EYS: variants seen among roughly 807,000 people sequenced by gnomAD.
EYS encodes protein eyes shut homolog.
Under a neutral mutation model 282.1 loss-of-function variants are expected in EYS, and 250 were observed. The ratio of observed to expected loss-of-function variants is 0.89; its 90% confidence interval spans 0.80 to 0.98. EYS has a LOEUF of 0.98. Among genes scored for constraint, EYS ranks in the 50% least tolerant of loss-of-function variants. The pLI, the probability that EYS is intolerant of heterozygous loss-of-function variation, is 0.00. For missense variants in EYS, 4,016 were observed against 3,709.0 expected (o/e 1.08, Z -2.15); for synonymous variants, 1,355 against 1,282.9 (o/e 1.06, Z -1.20).
At chr6:65,688,397 T>G (rs993597122) in intron 1 of EYS, among the ~76,000 whole-genome samples, 1 of 152,192 alleles carries the variant, frequency 6.6e-6, no homozygotes, top group African/African-American at 2.4e-5. Context: ...AAGCTGAAAC[T>G]GGATCCCTTC....
intron 35 of EYS, among the ~76,000 whole-genome samples, chr6:63,977,482 C>T (rs1766894366): frequency 1.3e-5 from 2 of 151,976 alleles, no homozygotes; most frequent in Non-Finnish European, 2.9e-5. Flanking sequence ...TATTGCAATT[C>T]CTAGCAACTC....
intron 28 of EYS, among the ~76,000 whole-genome samples, chr6:64,422,784 G>T (rs925210875): frequency 1.3e-5 from 2 of 152,036 alleles, no homozygotes; most frequent in East Asian, 1.9e-4. Flanking sequence ...CTACCACTTG[G>T]TTTAATATTC....
intron 35 of EYS, among the ~76,000 whole-genome samples, chr6:63,961,275 A>G (rs9362312): frequency 0.3 from 45,125 of 152,032 alleles, 6,811 homozygotes; most frequent in Admixed American, 0.38. Flanking sequence ...AAGCAAGTGA[A>G]GAATCACAAA....
At chr6:64,940,711 T>G (rs944949172) in intron 15 of EYS, among the ~76,000 whole-genome samples, 2 of 152,192 alleles carry the variant, frequency 1.3e-5, no homozygotes, top group Admixed American at 6.6e-5. Context: ...ATCTTTTTTT[T>G]GTCACATAGT....
At chr6:64,582,347 T>G (rs543795829) in intron 26 of EYS, among the ~76,000 whole-genome samples, 11 of 152,182 alleles carry the variant, frequency 7.2e-5, no homozygotes, top group African/African-American at 2.6e-4. Context: ...ATGCTTCTGA[T>G]GAGAATCTAA....
chr6:64,012,116 C>T (rs1367470179), intron 33 of EYS, among the ~76,000 whole-genome samples: 1 of 150,848 alleles, frequency 6.6e-6, no homozygotes, highest in Non-Finnish European at 1.5e-5. Context: ...GCAAAAATGT[C>T]TATCTTCCAG....
intron 31 of EYS, among the ~76,000 whole-genome samples, chr6:64,227,996 A>T (rs1766301364): frequency 6.6e-6 from 1 of 152,158 alleles, no homozygotes; most frequent in Non-Finnish European, 1.5e-5. Flanking sequence ...TTTACACTTA[A>T]ATTTCATCAT....
At chr6:64,344,757 T>C (rs971910358) in intron 29 of EYS, among the ~76,000 whole-genome samples, 1 of 152,068 alleles carries the variant, frequency 6.6e-6, no homozygotes, top group Non-Finnish European at 1.5e-5. Context: ...GGAAGTCAAA[T>C]TGTCCCTATT....
chr6:65,335,217 A>T, intron 10 of EYS, 71 bp from the exon 11 acceptor site: 2 of 1,016,794 alleles, frequency 2.0e-6, no homozygotes, highest in Non-Finnish European at 3.1e-6. Flanking sequence ...TTGTGACCTG[A>T]GAGATCATGA....
At chr6:64,038,409 C>A (rs1328998098) in intron 33 of EYS, among the ~76,000 whole-genome samples, 1 of 152,076 alleles carries the variant, frequency 6.6e-6, no homozygotes, top group Non-Finnish European at 1.5e-5. Context: ...TACTTCAAGA[C>A]ATCATGTTGT....
chr6:63,755,740 A>G (rs1748403074), intron 41 of EYS, among the ~76,000 whole-genome samples: 1 of 152,194 alleles, frequency 6.6e-6, no homozygotes, highest in South Asian at 2.1e-4. Flanking sequence ...CATTTTCACA[A>G]TAATGATTCT....
chr6:64,093,709 A>G (rs1238841803), intron 31 of EYS, among the ~76,000 whole-genome samples: 2 of 152,132 alleles, frequency 1.3e-5, no homozygotes, highest in African/African-American at 4.8e-5. Flanking sequence ...AACAGGGACA[A>G]TTTGACTTCC....
intron 12 of EYS, among the ~76,000 whole-genome samples, chr6:65,104,897 T>G (rs559746612): frequency 6.6e-6 from 1 of 151,774 alleles, no homozygotes; most frequent in South Asian, 2.1e-4. Context: ...AATATTTAGC[T>G]TTCAATGCCA....
intron 31 of EYS, among the ~76,000 whole-genome samples, chr6:64,136,141 TAAA>T (rs79149461): frequency 0.045 from 5,878 of 131,344 alleles, 315 homozygotes; most frequent in African/African-American, 0.14. Context: ...AGATTCTTTC[TAAA>T]AAAAAAAAAA....
intron 36 of EYS, among the ~76,000 whole-genome samples, chr6:63,849,895 G>A (rs959186048): frequency 2.0e-5 from 3 of 152,164 alleles, no homozygotes; most frequent in Non-Finnish European, 2.9e-5. Context: ...AAAGGAGCAT[G>A]TTCTAACCAA....
At chr6:64,326,482 A>G (rs991458466) in intron 29 of EYS, among the ~76,000 whole-genome samples, 1 of 152,158 alleles carries the variant, frequency 6.6e-6, no homozygotes, top group African/African-American at 2.4e-5. Context: ...TAAGATGTTT[A>G]AAAGTAGGAA....
chr6:65,383,077 T>C (rs1221231244), intron 8 of EYS, among the ~76,000 whole-genome samples: 3 of 152,078 alleles, frequency 2.0e-5, no homozygotes, highest in Admixed American at 1.3e-4. Context: ...GCTTAGCTAT[T>C]TGAAGTCCTT....
At chr6:64,298,324 G>C (rs1450391499) in intron 30 of EYS, among the ~76,000 whole-genome samples, 1 of 143,464 alleles carries the variant, frequency 7.0e-6, no homozygotes, top group Non-Finnish European at 1.5e-5. Context: ...TAATTTAAAA[G>C]ACTAATGCAT....
intron 22 of EYS, among the ~76,000 whole-genome samples, chr6:64,697,341 C>A (rs1025082570): frequency 6.6e-6 from 1 of 151,988 alleles, no homozygotes; most frequent in Non-Finnish European, 1.5e-5. Context: ...AATATAACAA[C>A]CCAAAATACA....
Sources: gnomAD v4.1 joint callset for allele counts (sites outside exome capture counted in the v4.1 genomes callset) on GRCh38, gnomAD v4.1.1 for gene constraint, MANE v1.5 for transcripts, NCBI Gene and HGNC (gene_info 2026-07-23, HGNC 2026-07-21) for gene names.